Variants in GSE1 observed in about 807,000 individuals in gnomAD.
GSE1 encodes the protein Gse1 coiled-coil protein, also known as genetic suppressor element 1.
GSE1 carries 32 observed loss-of-function variants against 112.6 expected under a neutral mutation model. The ratio of observed to expected loss-of-function variants is 0.28; its 90% CI spans 0.21 to 0.38. GSE1 has a LOEUF of 0.38. Ranked by LOEUF, GSE1 falls within the 10% of genes least tolerant of loss-of-function variation. The pLI, the probability that GSE1 is intolerant of heterozygous loss-of-function variation, is 1.00. For missense variants in GSE1, 2,348 were observed against 1,699.2 expected (o/e 1.38, Z -6.71); for synonymous variants, 1,115 against 735.6 (o/e 1.52, Z -8.35).
intron 1 of GSE1, among the ~76,000 whole-genome samples, chr16:85,620,504 G>A (rs145458558): frequency 1.0e-3 from 158 of 152,360 alleles, no homozygotes; most frequent in African/African-American, 3.4e-3. Flanking sequence ...AGTGGAATGC[G>A]GTTCAAGCAA....
intron 1 of GSE1, among the ~76,000 whole-genome samples, chr16:85,173,660 A>G (rs1236434249): frequency 6.6e-6 from 1 of 152,166 alleles, no homozygotes; most frequent in Non-Finnish European, 1.5e-5. Flanking sequence ...AAAGTATCCA[A>G]ATTCTGGTGT....
At chr16:85,516,996 A>G (rs574030674) in intron 2 of GSE1, among the ~76,000 whole-genome samples, 6 of 152,076 alleles carry the variant, frequency 3.9e-5, no homozygotes, top group Admixed American at 1.3e-4. Context: ...ACGGGGTTTC[A>G]CCGTGTTAGC....
chr16:85,538,534 C>T (rs6419428), intron 2 of GSE1, among the ~76,000 whole-genome samples: 54,902 of 152,008 alleles, frequency 0.36, 10,193 homozygotes, highest in Middle Eastern at 0.51. Flanking sequence ...TTTTCTCTGA[C>T]GGTGCTTGTA....
chr16:85,506,456 G>A (rs1290627584), intron 2 of GSE1, among the ~76,000 whole-genome samples: 2 of 152,100 alleles, frequency 1.3e-5, no homozygotes, highest in Non-Finnish European at 2.9e-5. Context: ...AGGGAGGGAG[G>A]GAAGGGTTCT....
intron 8 of GSE1, among the ~76,000 whole-genome samples, chr16:85,660,635 T>C (rs2052351509): frequency 6.6e-6 from 1 of 152,018 alleles, no homozygotes; most frequent in Admixed American, 6.5e-5. Context: ...TGAGTCTTTT[T>C]TTTTGTTTTT....
At chr16:85,474,129 A>G (rs1362584987) in intron 2 of GSE1, among the ~76,000 whole-genome samples, 2 of 152,088 alleles carry the variant, frequency 1.3e-5, no homozygotes, top group Non-Finnish European at 2.9e-5. Flanking sequence ...AGGCGGAAGC[A>G]GGGATGGCAG....
Position 85,658,546 on chromosome 16 carries a change from G to A in GSE1, c.1640+942G>A, listed in dbSNP as rs114373183. Among the ~76,000 whole-genome samples, 291 of 152,332 alleles carry A rather than the reference G, an allele frequency of 1.9e-3. 3 individuals carry two copies. The highest frequency in any genetic ancestry group is 6.9e-3 in the African/African-American group (285 of 41,570). ...TCTGTCCTCCCTTCTGCCTGCCTCC[G>A]TTATCCAGTAGGGCAGCGAGGGAAT... is the stretch of plus-strand genomic sequence containing the variant. On this transcript the variant is annotated intron_variant, in intron 8 of 15. Transcript: ENST00000253458.
At chr16:85,194,401 C>T (rs904739007) in intron 1 of GSE1, among the ~76,000 whole-genome samples, 1 of 152,146 alleles carries the variant, frequency 6.6e-6, no homozygotes, top group Admixed American at 6.5e-5. Flanking sequence ...TCTAGATGTG[C>T]ACAAGGCAGT....
chr16:85,531,741 C>A (rs895368682), intron 2 of GSE1, among the ~76,000 whole-genome samples: 1 of 152,214 alleles, frequency 6.6e-6, no homozygotes, highest in African/African-American at 2.4e-5. Flanking sequence ...TGTTCTCCCC[C>A]AGGATGGACC....
At chr16:85,197,332 C>G (rs1456124933) in intron 1 of GSE1, among the ~76,000 whole-genome samples, 1 of 152,200 alleles carries the variant, frequency 6.6e-6, no homozygotes, top group Non-Finnish European at 1.5e-5. Flanking sequence ...ATGAGGCTCA[C>G]TAGCCACAGA....
upstream of GSE1, among the ~76,000 whole-genome samples, chr16:85,612,413 G>T (rs2048051871): frequency 1.3e-5 from 2 of 152,096 alleles, no homozygotes; most frequent in African/African-American, 4.8e-5. Context: ...ATGGGGAGGC[G>T]CTGCGCTGGG....
intron 13 of GSE1, among the ~76,000 whole-genome samples, chr16:85,667,867 A>G (rs2053001356): frequency 6.6e-6 from 1 of 151,282 alleles, no homozygotes; most frequent in East Asian, 2.0e-4. Context: ...CAAAACAAAA[A>G]ATGGAGTCTC....
Position 85,205,556 on chromosome 16 carries a change from T to A in GSE1, c.2283+33749T>A, listed in dbSNP as rs74815284. On this transcript the variant is annotated intron_variant, in intron 1 of 2. Coordinates refer to the GSE1 transcript ENST00000637419. ...GGGCTTTGTGTCTTCACTGCCTTACTTTTTTTTTCCTTCCCTAGTTTCCCT... is the reference window on the plus strand; with the variant it reads ...GGGCTTTGTGTCTTCACTGCCTTACATTTTTTTTCCTTCCCTAGTTTCCCT... Among the ~76,000 whole-genome samples, 1,227 of 151,930 alleles carry A rather than the reference T, an allele frequency of 8.1e-3. 17 individuals are homozygous for A. Among genetic ancestry groups the A allele is most frequent in the African/African-American group, 0.028 (1,167 of 41,470 alleles).
intron 1 of GSE1, among the ~76,000 whole-genome samples, chr16:85,264,454 T>G (rs1049569061): frequency 4.6e-5 from 7 of 152,044 alleles, no homozygotes; most frequent in Admixed American, 2.0e-4. Flanking sequence ...GGGCCCAGTC[T>G]TGATTTCACA....
chr16:85,524,946 C>G (rs1037215195), intron 2 of GSE1, among the ~76,000 whole-genome samples: 4 of 152,310 alleles, frequency 2.6e-5, no homozygotes, highest in African/African-American at 9.6e-5. Context: ...CAGGATTAAA[C>G]ATGAATGAGT....
chr16:85,637,343 G>A (rs1179219266), intron 2 of GSE1, among the ~76,000 whole-genome samples: 1 of 152,158 alleles, frequency 6.6e-6, no homozygotes, highest in Non-Finnish European at 1.5e-5. Flanking sequence ...CCTGCTTCTC[G>A]TGGCTGGACG....
chr16:85,641,138 A>T (rs763103215), intron 2 of GSE1, among the ~76,000 whole-genome samples: 1 of 152,118 alleles, frequency 6.6e-6, no homozygotes, highest in Non-Finnish European at 1.5e-5. Context: ...GTTTTCCCTG[A>T]TGCACCCTGT....
intron 1 of GSE1, among the ~76,000 whole-genome samples, chr16:85,272,648 C>T (rs537627304): frequency 2.0e-5 from 3 of 152,152 alleles, no homozygotes; most frequent in Admixed American, 2.0e-4. Flanking sequence ...CTGTGGACAG[C>T]CCCTGGCAGT....
intron 1 of GSE1, among the ~76,000 whole-genome samples, chr16:85,613,955 C>T (rs1044585101): frequency 7.3e-5 from 11 of 150,558 alleles, no homozygotes; most frequent in African/African-American, 2.7e-4. Flanking sequence ...GGGAGTTGGT[C>T]GGGAGGGCGG....
Sources: gnomAD v4.1 joint callset for allele counts (sites outside exome capture counted in the v4.1 genomes callset) on GRCh38, gnomAD v4.1.1 for gene constraint, MANE v1.5 for transcripts, NCBI Gene and HGNC (gene_info 2026-07-23, HGNC 2026-07-21) for gene names.